The following FSTL4 variants were observed in gnomAD, a reference collection of about 807,000 sequenced individuals.
FSTL4 encodes follistatin like 4.
In FSTL4, 28 loss-of-function variants were observed where a neutral mutation model predicts 78.2. The ratio of observed to expected loss-of-function variants is 0.36; its 90% confidence interval spans 0.27 to 0.49. The LOEUF is 0.49. Ranked by LOEUF, FSTL4 falls within the 20% of genes least tolerant of loss-of-function variation. The pLI is 0.98. For missense variants in FSTL4, 922 were observed against 1,084.9 expected, an observed-to-expected ratio of 0.85 and a Z score of 2.11; for synonymous variants, 422 against 440.5, an observed-to-expected ratio of 0.96 and a Z score of 0.53.
At chr5:133,427,628 C>G (rs1756851605) in intron 3 of FSTL4, 1 of 529,204 alleles carries the variant, frequency 1.9e-6, no homozygotes, top group South Asian at 1.4e-5. Flanking sequence ...ATGCAGATTC[C>G]TGGACTCCAC....
intron 2 of FSTL4, among the ~76,000 whole-genome samples, chr5:133,593,702 TAAGATGTACTTCTTTCTAATA>T (rs976234131): frequency 1.3e-5 from 2 of 152,206 alleles, no homozygotes; most frequent in African/African-American, 4.8e-5. Flanking sequence ...CTTTCTTTAT[TAAGATGTACTTCTTTCTAATA>T]AAGATGTACT....
intron 3 of FSTL4, among the ~76,000 whole-genome samples, chr5:133,456,750 A>G (rs180840663): frequency 5.0e-4 from 76 of 152,334 alleles, no homozygotes; most frequent in African/African-American, 1.7e-3. Flanking sequence ...AACACACCAC[A>G]TAAGCATGCA....
chr5:133,373,243 C>A (rs767583108), intron 4 of FSTL4, among the ~76,000 whole-genome samples: 1 of 152,220 alleles, frequency 6.6e-6, no homozygotes, highest in Admixed American at 6.5e-5. Context: ...GCGGCTATTA[C>A]GAAGAGCCCC....
At chr5:133,204,417 T>C (rs2162769) in intron 14 of FSTL4, among the ~76,000 whole-genome samples, 93,580 of 152,104 alleles carry the variant, frequency 0.62, 29,135 homozygotes, top group Middle Eastern at 0.72. Flanking sequence ...ATACAAACAA[T>C]GCAGTAACAA....
At chr5:133,306,369 G>C (rs1441831208) in intron 6 of FSTL4, among the ~76,000 whole-genome samples, 1 of 152,220 alleles carries the variant, frequency 6.6e-6, no homozygotes, top group Non-Finnish European at 1.5e-5. Flanking sequence ...CCTGCCAGCC[G>C]ACCAGAGCAC....
chr5:133,765,797 A>G, the FSTL4 span, among the ~76,000 whole-genome samples: 1 of 152,348 alleles, frequency 6.6e-6, no homozygotes, highest in East Asian at 1.9e-4. Context: ...GGAAAAGCAG[A>G]GATAAGATTA....
At chr5:133,592,178 C>T (rs995583161) in intron 2 of FSTL4, among the ~76,000 whole-genome samples, 16 of 152,186 alleles carry the variant, frequency 1.1e-4, no homozygotes, top group African/African-American at 3.1e-4. Flanking sequence ...TTCCACCCAG[C>T]GCATTTCTGT....
chr5:133,807,829 C>T, the FSTL4 span, among the ~76,000 whole-genome samples: 3 of 152,172 alleles, frequency 2.0e-5, no homozygotes, highest in Admixed American at 6.5e-5. Context: ...GAATCTTGTC[C>T]CTGATGGTAG....
intron 3 of FSTL4, among the ~76,000 whole-genome samples, chr5:133,515,304 A>G (rs1355999528): frequency 6.6e-6 from 1 of 152,044 alleles, no homozygotes; most frequent in African/African-American, 2.4e-5. Flanking sequence ...AGGTGGGAGG[A>G]TCACTTGAGG....
intron 2 of FSTL4, among the ~76,000 whole-genome samples, chr5:133,592,620 G>A (rs1760655708): frequency 6.6e-6 from 1 of 152,142 alleles, no homozygotes; most frequent in South Asian, 2.1e-4. Context: ...GGAGGTGTCT[G>A]AGTCATGGAG....
chr5:133,807,446 G>T, the FSTL4 span, among the ~76,000 whole-genome samples: 1 of 152,282 alleles, frequency 6.6e-6, no homozygotes, highest in Non-Finnish European at 1.5e-5. Context: ...TACTTTAAAC[G>T]GAGGACAAAT....
chr5:133,258,351 C>T (rs1752433766), intron 6 of FSTL4, among the ~76,000 whole-genome samples: 1 of 152,180 alleles, frequency 6.6e-6, no homozygotes, highest in Non-Finnish European at 1.5e-5. Flanking sequence ...AATCAGTAGA[C>T]TGAGTAGAGA....
chr5:133,367,928 T>G (rs1036897219), intron 4 of FSTL4, among the ~76,000 whole-genome samples: 4 of 152,268 alleles, frequency 2.6e-5, no homozygotes, highest in African/African-American at 9.6e-5. Flanking sequence ...CTCCATGTTC[T>G]GCTGTGAATA....
At chr5:133,376,261 C>G (rs377354023) in intron 4 of FSTL4, among the ~76,000 whole-genome samples, 28 of 152,262 alleles carry the variant, frequency 1.8e-4, no homozygotes, top group Middle Eastern at 6.8e-3. Context: ...GCAATATGCT[C>G]CTGCAGAAAC....
chr5:133,261,635 TCATTGAG>T (rs1752524122), intron 6 of FSTL4, among the ~76,000 whole-genome samples: 1 of 152,044 alleles, frequency 6.6e-6, no homozygotes, highest in Non-Finnish European at 1.5e-5. Flanking sequence ...GGTGGGTGGA[TCATTGAG>T]GTCAGGAGTT....
At chr5:133,274,788 C>T (rs769078914) in intron 6 of FSTL4, among the ~76,000 whole-genome samples, 4 of 152,196 alleles carry the variant, frequency 2.6e-5, no homozygotes, top group Admixed American at 6.5e-5. Context: ...ATAAAACTGT[C>T]ATCAGAGGAA....
At chr5:133,647,667 G>T in the FSTL4 span, among the ~76,000 whole-genome samples, 1 of 152,142 alleles carries the variant, frequency 6.6e-6, no homozygotes, top group Non-Finnish European at 1.5e-5. Flanking sequence ...TAAGCTAAAG[G>T]CTTATGCATA....
rs150850954 is a variant in FSTL4, at chr5:133,267,062, CG to C, written c.728-17487del. On this transcript the variant is annotated intron_variant, in intron 6 of 15. Coordinates refer to ENST00000265342, the MANE Select transcript of FSTL4 (RefSeq NM_015082.2). ...TGGGCTCCTGTGCTGTGTCTCCACACGTGGAGTCTTCCCAATCCCATGTCTC... is the reference window on the plus strand; with the variant it reads ...TGGGCTCCTGTGCTGTGTCTCCACACTGGAGTCTTCCCAATCCCATGTCTC... Among the ~76,000 whole-genome samples, 58 of 152,344 alleles carry C rather than the reference CG, an allele frequency of 3.8e-4. No homozygotes were observed. The East Asian group carries it at 0.011, about 28-fold the overall frequency.
chr5:133,263,503 G>A (rs961572840), intron 6 of FSTL4, among the ~76,000 whole-genome samples: 1 of 152,224 alleles, frequency 6.6e-6, no homozygotes, highest in South Asian at 2.1e-4. Flanking sequence ...CAGTGTGGCC[G>A]AGAGCTCTAG....
Sources: allele counts gnomAD v4.1 joint callset (sites outside exome capture counted in the v4.1 genomes callset), GRCh38; gene constraint gnomAD v4.1.1; transcripts MANE v1.5; gene names NCBI Gene and HGNC (gene_info 2026-07-23, HGNC 2026-07-21).